The following SPC25 variants were observed in gnomAD, a reference collection of about 807,000 sequenced individuals.
The protein encoded by SPC25 is SPC25 component of NDC80 kinetochore complex, also known as kinetochore protein Spc25.
Under a neutral mutation model 29.6 loss-of-function variants are expected in SPC25, and 22 were observed. The ratio of observed to expected loss-of-function variants is 0.74; its 90% CI spans 0.53 to 1.06. The LOEUF is 1.06. Among genes scored for constraint, SPC25 ranks in the 50% least tolerant of loss-of-function variants. The pLI, the probability that SPC25 is intolerant of heterozygous loss-of-function variation, is 0.00. For synonymous variants in SPC25, 91 were observed against 90.4 expected (o/e 1.01, Z -0.04); for missense variants, 230 against 255.8 (o/e 0.90, Z 0.69).
intron 6 of SPC25, among the ~76,000 whole-genome samples, chr2:168,872,537 C>G (rs759098020): frequency 2.6e-5 from 4 of 152,142 alleles, no homozygotes; most frequent in African/African-American, 4.8e-5. Flanking sequence ...ATTTCCAGCT[C>G]TCTTGTACAG....
downstream of SPC25, among the ~76,000 whole-genome samples, chr2:168,869,043 T>G (rs901270110): frequency 6.6e-6 from 1 of 152,246 alleles, no homozygotes; most frequent in Non-Finnish European, 1.5e-5. Flanking sequence ...GATGCAAGGC[T>G]GGTTCAACAT....
At chr2:168,872,250 A>G (rs114722505) in intron 6 of SPC25, among the ~76,000 whole-genome samples, 3,067 of 152,284 alleles carry the variant, frequency 0.02, 83 homozygotes, top group African/African-American at 0.068. Context: ...TTACAGGCGT[A>G]AGCCACCATG....
chr2:168,874,593 C>T (rs1690054730), intron 5 of SPC25, among the ~76,000 whole-genome samples: 1 of 152,050 alleles, frequency 6.6e-6, no homozygotes, highest in African/African-American at 2.4e-5. Flanking sequence ...TAGGAGAACT[C>T]ATAGGATTCA....
At chr2:168,865,389 A>G (rs1385716354) in intron 4 of SPC25, 2 of 158,908 alleles carry the variant, frequency 1.3e-5, no homozygotes, top group African/African-American at 2.4e-5. Context: ...GAGGGGGTCA[A>G]GCAGAGCCTG....
intron 4 of SPC25, chr2:168,865,215 C>A (rs1689792591): frequency 2.2e-6 from 1 of 457,456 alleles, no homozygotes; most frequent in Non-Finnish European, 3.9e-6. Context: ...TCTAGGAGAC[C>A]CTAGAGATGA....
chr2:168,867,368 C>G (rs1689884349), downstream of SPC25, among the ~76,000 whole-genome samples: 1 of 152,132 alleles, frequency 6.6e-6, no homozygotes, highest in Non-Finnish European at 1.5e-5. Flanking sequence ...ATGACAGGAC[C>G]AAATTCACAC....
chr2:168,882,626 C>T (rs181050925), intron 3 of SPC25, among the ~76,000 whole-genome samples: 2 of 115,476 alleles, frequency 1.7e-5, no homozygotes. Context: ...AATAAATAAA[C>T]AGACAGACAG....
chr2:168,864,048 AC>A (rs1190839764), intron 4 of SPC25, among the ~76,000 whole-genome samples: 1 of 150,866 alleles, frequency 6.6e-6, no homozygotes, highest in Non-Finnish European at 1.5e-5. Context: ...GCTCACTGCA[AC>A]CTCCGTCTCC....
intron 4 of SPC25, chr2:168,864,867 GA>G (rs763454012): frequency 1.1e-5 from 17 of 1,613,708 alleles, no homozygotes; most frequent in Admixed American, 3.3e-5. Context: ...AAAAAAGAAG[GA>G]GGATGGTGGT....
At chr2:168,888,542 G>A (rs1245457979) in intron 3 of SPC25, among the ~76,000 whole-genome samples, 3 of 152,108 alleles carry the variant, frequency 2.0e-5, no homozygotes, top group Non-Finnish European at 1.5e-5. Context: ...GCAACAGAGC[G>A]AGACTCTGTC....
intron 4 of SPC25, chr2:168,862,103 A>C: frequency 3.3e-6 from 5 of 1,508,976 alleles, no homozygotes; most frequent in Non-Finnish European, 4.6e-6. Context: ...GATTCTTAGC[A>C]TGAATAAAAC....
At chr2:168,883,869 C>A (rs1690216520) in intron 3 of SPC25, among the ~76,000 whole-genome samples, 1 of 151,560 alleles carries the variant, frequency 6.6e-6, no homozygotes, top group Non-Finnish European at 1.5e-5. Context: ...CTCCTGGGTT[C>A]AAGCAATTCT....
At chr2:168,884,905 T>G (rs1298825985) in intron 3 of SPC25, 1 of 152,188 alleles carries the variant, frequency 6.6e-6, no homozygotes, top group South Asian at 2.1e-4. Context: ...TTTAGCACAG[T>G]ACCTGGCACA....
chr2:168,863,735 G>A, intron 4 of SPC25: 1 of 845,616 alleles, frequency 1.2e-6, no homozygotes, highest in South Asian at 5.5e-5. Flanking sequence ...TTGATCTTAA[G>A]AAAAGACTGT....
intron 3 of SPC25, among the ~76,000 whole-genome samples, chr2:168,888,943 G>GTT: frequency 1.5e-5 from 1 of 68,038 alleles, no homozygotes; most frequent in African/African-American, 7.9e-5. Context: ...GTGTGTGTGT[G>GTT]TGTGTGTGTG....
chr2:168,862,905 C>CAAGA (rs1039681752), intron 4 of SPC25, among the ~76,000 whole-genome samples: 40 of 152,270 alleles, frequency 2.6e-4, no homozygotes, highest in African/African-American at 9.6e-4. Context: ...AATGGAAAAT[C>CAAGA]AAGATACATT....
In SPC25 at chr2:168,871,416, T is replaced by C. The variant is rs373535931; in HGVS notation, c.*15A>G. ...AGAAGAAAAATAAACCGTTTTTATA[T>C]ACACTATTTGTATGTTAATTATAAA... On this transcript the variant is annotated 3_prime_UTR_variant, in exon 7 of 7. Coordinates refer to ENST00000282074, the MANE Select transcript of SPC25 (RefSeq NM_020675.4). The C allele has an allele frequency of 2.5e-6, 4 of 1,576,504 alleles. No individual in the cohort carries two copies. In the African/African-American group the frequency reaches 4.1e-5, roughly 16 times the overall value.
At chr2:168,882,602 A>AAAATAAATAAAT (rs111778371) in intron 3 of SPC25, among the ~76,000 whole-genome samples, 3 of 148,758 alleles carry the variant, frequency 2.0e-5, no homozygotes, top group East Asian at 2.0e-4. Context: ...CCCTGTCTCA[A>AAAATAAATAAAT]AAATAAATAA....
intron 3 of SPC25, among the ~76,000 whole-genome samples, chr2:168,880,567 A>G (rs891626557): frequency 2.0e-5 from 3 of 152,218 alleles, no homozygotes; most frequent in South Asian, 2.1e-4. Flanking sequence ...CTTTCTTATC[A>G]TTCGTGTGTT....
Sources: gnomAD v4.1 joint callset for allele counts (sites outside exome capture counted in the v4.1 genomes callset) on GRCh38, gnomAD v4.1.1 for gene constraint, MANE v1.5 for transcripts, NCBI Gene and HGNC (gene_info 2026-07-23, HGNC 2026-07-21) for gene names.